The following GRIN3A variants were observed in gnomAD, a reference collection of about 807,000 sequenced individuals.
The protein encoded by GRIN3A is glutamate ionotropic receptor NMDA type subunit 3A, also known as glutamate receptor ionotropic, NMDA 3A.
A neutral mutation model predicts 92.4 loss-of-function variants in GRIN3A; 47 were observed. That is an observed-to-expected ratio of 0.51 (90% CI 0.40 to 0.65). The LOEUF is 0.65. GRIN3A is among the 30% of genes least tolerant of loss of function. The probability of loss-of-function intolerance (pLI) is 0.00; values close to 1 mark genes in which losing one functional copy is unlikely to be tolerated. For missense variants in GRIN3A, 1,324 were observed against 1,393.1 expected (o/e 0.95, Z 0.79); for synonymous variants, 527 against 540.6 (o/e 0.97, Z 0.35).
chr9:101,634,332 CAA>C (rs10664535), intron 3 of GRIN3A, among the ~76,000 whole-genome samples: 4 of 68,736 alleles, frequency 5.8e-5, no homozygotes, highest in Non-Finnish European at 7.9e-5. Flanking sequence ...GACTCCGTCT[CAA>C]AAAAAAAAAA....
At chr9:101,684,278 T>C (rs1362130806) in intron 2 of GRIN3A, among the ~76,000 whole-genome samples, 1 of 142,412 alleles carries the variant, frequency 7.0e-6, no homozygotes, top group Non-Finnish European at 1.5e-5. Flanking sequence ...TAATTTTTTT[T>C]TTTTTTTTTT....
chr9:101,608,078 T>C (rs781757608), intron 6 of GRIN3A, among the ~76,000 whole-genome samples: 1 of 152,198 alleles, frequency 6.6e-6, no homozygotes. Context: ...TAAGCATCAT[T>C]ACAAAATAGT....
At chr9:101,715,216 A>G (rs1435455785) in intron 1 of GRIN3A, among the ~76,000 whole-genome samples, 2 of 151,600 alleles carry the variant, frequency 1.3e-5, no homozygotes, top group South Asian at 4.2e-4. Flanking sequence ...AAAAAAAAAA[A>G]AAAGAAAATG....
intron 1 of GRIN3A, among the ~76,000 whole-genome samples, chr9:101,711,844 T>C (rs1253252815): frequency 7.9e-5 from 12 of 152,298 alleles, no homozygotes; most frequent in African/African-American, 2.9e-4. Context: ...TTTCAAAAAA[T>C]CTTTAATGAG....
At chr9:101,732,293 G>A (rs1167527679) in intron 1 of GRIN3A, among the ~76,000 whole-genome samples, 1 of 152,180 alleles carries the variant, frequency 6.6e-6, no homozygotes, top group East Asian at 1.9e-4. Context: ...GGCGGAATAG[G>A]AGTGAGAGTG....
chr9:101,618,776 C>T (rs979577598), intron 5 of GRIN3A, among the ~76,000 whole-genome samples: 1 of 152,128 alleles, frequency 6.6e-6, no homozygotes, highest in African/African-American at 2.4e-5. Flanking sequence ...TTATTTCTGT[C>T]CCCATTTATA....
chr9:101,734,074 C>A (rs984047763), intron 1 of GRIN3A, among the ~76,000 whole-genome samples: 37 of 152,138 alleles, frequency 2.4e-4, no homozygotes, highest in African/African-American at 8.2e-4. Context: ...CTAATAGAAC[C>A]AATATGAAGT....
In GRIN3A at chr9:101,737,327, A is replaced by G. The variant is rs769359327; in HGVS notation, c.653T>C (p.Ile218Thr). 16 of 1,614,030 alleles carry G rather than the reference A, an allele frequency of 9.9e-6. No individual in the cohort carries two copies. The Admixed American group carries it at 2.0e-4, about 20-fold the overall frequency. The change falls in exon 1 of 9, where the codon ATT (isoleucine) becomes ACT (threonine). Residue 218 changes from isoleucine to threonine, a missense_variant. Transcript: ENST00000361820. ...ELDLVSLVLH[I>T]PVISIVRHEF... ...GTGGCGCACGATGCTGATCACTGGA[A>G]TGTGCAGGACTAAGCTGACCAAGTC...
chr9:101,736,248 G>A (rs192055707), intron 1 of GRIN3A, among the ~76,000 whole-genome samples: 85 of 152,242 alleles, frequency 5.6e-4, no homozygotes, highest in Admixed American at 2.5e-3. Flanking sequence ...TTTCTCAGTC[G>A]TTAAAATGGG....
At chr9:101,663,110 G>C (rs190886640) in intron 3 of GRIN3A, among the ~76,000 whole-genome samples, 41 of 151,674 alleles carry the variant, frequency 2.7e-4, no homozygotes, top group Non-Finnish European at 4.9e-4. Context: ...TCTAGCCTCG[G>C]GGATTCTGCA....
At chr9:101,594,960 A>T in intron 6 of GRIN3A, 1 of 1,574,572 alleles carries the variant, frequency 6.4e-7, no homozygotes, top group Non-Finnish European at 8.6e-7. Flanking sequence ...AAAGGGTCGG[A>T]GAGGGGAGCA....
intron 3 of GRIN3A, among the ~76,000 whole-genome samples, chr9:101,643,586 A>T (rs1395160656): frequency 6.6e-6 from 1 of 152,056 alleles, no homozygotes; most frequent in African/African-American, 2.4e-5. Flanking sequence ...TAACTTGAAG[A>T]AATATCTCTA....
intron 1 of GRIN3A, among the ~76,000 whole-genome samples, chr9:101,697,140 C>A (rs1829695462): frequency 1.3e-5 from 2 of 152,130 alleles, no homozygotes; most frequent in South Asian, 4.1e-4. Context: ...GAGCTTAACA[C>A]TAGAAATAGT....
intron 3 of GRIN3A, among the ~76,000 whole-genome samples, chr9:101,669,295 C>T (rs1478482803): frequency 5.3e-5 from 8 of 152,210 alleles, no homozygotes; most frequent in African/African-American, 1.9e-4. Context: ...CCAGAGAGAA[C>T]ATGGAATGGC....
intron 1 of GRIN3A, among the ~76,000 whole-genome samples, chr9:101,699,547 C>T (rs1173075755): frequency 6.6e-6 from 1 of 152,130 alleles, no homozygotes; most frequent in African/African-American, 2.4e-5. Flanking sequence ...GAGAGAATTG[C>T]TAACCAGCCC....
chr9:101,728,839 C>T (rs1317514988), intron 1 of GRIN3A, among the ~76,000 whole-genome samples: 10 of 152,092 alleles, frequency 6.6e-5, no homozygotes, highest in Non-Finnish European at 1.2e-4. Flanking sequence ...TGATATAGTC[C>T]GCATCCAGTA....
rs142800495 is a variant in GRIN3A at position 101,636,801 on chromosome 9, A to G, written c.2353-8400T>C. 7.4e-4 allele frequency among the ~76,000 whole-genome samples: 113 copies of G among 152,358 alleles called. 3 individuals are homozygous for G. In the East Asian group the frequency reaches 0.017, roughly 23 times the overall value. On this transcript the variant is annotated intron_variant, in intron 3 of 8. Transcript: ENST00000361820. Reference sequence around the variant, plus strand: ...TAAACAATATGCTTATCACAGTTATAGCAACGGCAGCAACAACAGCACCAT... The same window carrying G: ...TAAACAATATGCTTATCACAGTTATGGCAACGGCAGCAACAACAGCACCAT...
chr9:101,708,848 A>T (rs1829841252), intron 1 of GRIN3A, among the ~76,000 whole-genome samples: 1 of 152,208 alleles, frequency 6.6e-6, no homozygotes, highest in Non-Finnish European at 1.5e-5. Context: ...ACTGTCACAT[A>T]AAATTTCGCA....
At chr9:101,629,730 C>T (rs918989216) in intron 3 of GRIN3A, among the ~76,000 whole-genome samples, 7 of 152,198 alleles carry the variant, frequency 4.6e-5, no homozygotes, top group Admixed American at 4.6e-4. Context: ...TAGAGCTTTA[C>T]ATACATTATC....
Sources: allele counts gnomAD v4.1 joint callset (sites outside exome capture counted in the v4.1 genomes callset), GRCh38; gene constraint gnomAD v4.1.1; transcripts MANE v1.5; gene names NCBI Gene and HGNC (gene_info 2026-07-23, HGNC 2026-07-21).